MELK: variants seen among roughly 807,000 people sequenced by gnomAD.
The protein encoded by MELK is pEg3 kinase.
In MELK, 81 loss-of-function variants were observed where a neutral mutation model predicts 85.0. That is an observed-to-expected ratio of 0.95 (90% CI 0.80 to 1.15). The LOEUF (loss-of-function observed/expected upper bound fraction) is 1.15, where lower values mean the gene tolerates loss of function less well. Among genes scored for constraint, MELK ranks in the 50% most tolerant of loss-of-function variants. The pLI is 0.00. For missense variants in MELK, 754 were observed against 777.5 expected, an observed-to-expected ratio of 0.97 and a Z score of 0.36; for synonymous variants, 252 against 265.0, an observed-to-expected ratio of 0.95 and a Z score of 0.48.
rs113625645 is a variant in MELK, at chr9:36,660,569, G to A, written c.1176+3206G>A. On this transcript the variant is annotated intron_variant, in intron 13 of 17. Transcript: ENST00000298048. ...ACTCCTGGACTCAAGAGATCCACCC[G>A]CGTTGGCCTCCCAAAGTGCTGGGAT... Among the ~76,000 whole-genome samples the A allele has an allele frequency of 4.1e-3, 629 of 152,026 alleles. 2 individuals are homozygous for A. Among genetic ancestry groups the A allele is most frequent in the Non-Finnish European group, 6.5e-3 (441 of 67,944 alleles).
At chr9:36,631,162 C>G (rs1828568487) in intron 9 of MELK, among the ~76,000 whole-genome samples, 1 of 151,390 alleles carries the variant, frequency 6.6e-6, no homozygotes, top group Admixed American at 6.6e-5. Context: ...CGAGGTTTCA[C>G]TATGTTAGCC....
intron 4 of MELK, among the ~76,000 whole-genome samples, chr9:36,589,920 G>GTTTTTTT (rs566073692): frequency 8.0e-6 from 1 of 125,780 alleles, no homozygotes; most frequent in African/African-American, 3.1e-5. Flanking sequence ...ACTCATTCTA[G>GTTTTTTT]TTTTTTTTTT....
intron 13 of MELK, among the ~76,000 whole-genome samples, chr9:36,658,235 C>T (rs1405559759): frequency 1.3e-5 from 2 of 152,156 alleles, no homozygotes; most frequent in South Asian, 4.1e-4. Context: ...ATTTGCCCCA[C>T]TCTCTTTATT....
At chr9:36,638,722 A>G (rs1454795097) in intron 10 of MELK, among the ~76,000 whole-genome samples, 1 of 152,194 alleles carries the variant, frequency 6.6e-6, no homozygotes, top group Admixed American at 6.5e-5. Context: ...TACCTTTAAG[A>G]GTCAGGCACT....
intron 14 of MELK, among the ~76,000 whole-genome samples, chr9:36,668,601 C>G (rs1488904602): frequency 1.8e-5 from 1 of 55,274 alleles, no homozygotes. Context: ...CAACATCTGC[C>G]TACTGGGTTC....
At chr9:36,602,651 C>CCGGGTTCAGGCGATTCTCAT in intron 7 of MELK, among the ~76,000 whole-genome samples, 6 of 150,264 alleles carry the variant, frequency 4.0e-5, no homozygotes, top group African/African-American at 1.2e-4. Flanking sequence ...CCTCAGCCTC[C>CCGGGTTCAGGCGATTCTCAT]TGGGTTCAAG....
At chr9:36,634,962 G>A (rs1828983543) in intron 10 of MELK, among the ~76,000 whole-genome samples, 1 of 151,958 alleles carries the variant, frequency 6.6e-6, no homozygotes, top group African/African-American at 2.4e-5. Context: ...AAAAGAAAAA[G>A]AAAAAAATGG....
chr9:36,646,597 G>T (rs371380074), intron 11 of MELK, among the ~76,000 whole-genome samples: 2 of 152,176 alleles, frequency 1.3e-5, no homozygotes, highest in Non-Finnish European at 2.9e-5. Context: ...TGTTCCTCCA[G>T]CCCTGAGTGG....
At chr9:36,640,208 C>T (rs1341088993) in intron 10 of MELK, among the ~76,000 whole-genome samples, 2 of 152,040 alleles carry the variant, frequency 1.3e-5, no homozygotes, top group South Asian at 2.1e-4. Flanking sequence ...TTAGAGAGAA[C>T]AGAAATTTAT....
intron 8 of MELK, among the ~76,000 whole-genome samples, chr9:36,628,340 C>T (rs1487936605): frequency 2.6e-5 from 4 of 152,198 alleles, no homozygotes; most frequent in African/African-American, 9.7e-5. Context: ...CTAGCCAGCT[C>T]TCTGGGAGTC....
intron 14 of MELK, among the ~76,000 whole-genome samples, chr9:36,666,920 T>C (rs73645815): frequency 5.4e-5 from 8 of 148,008 alleles, no homozygotes; most frequent in Non-Finnish European, 1.2e-4. Flanking sequence ...GGTGTGTGTG[T>C]GGGGGGGTGC....
rs542520489 is a variant in MELK at position 36,633,549 on chromosome 9, C to A, written c.834+349C>A. On this transcript the variant is annotated intron_variant, in intron 10 of 17. Transcript: ENST00000298048. ...ATTCATCTGTAAAAAGTAGGTTAAA[C>A]CAGTTCTACTTCCCAGAGAAGTTAT... Among the ~76,000 whole-genome samples the A allele has an allele frequency of 7.1e-4, 108 of 152,216 alleles. 1 individual carries two copies. Among genetic ancestry groups the A allele is most frequent in the Non-Finnish European group, 2.5e-4 (17 of 68,016 alleles).
chr9:36,628,748 C>T (rs776582498), intron 8 of MELK, among the ~76,000 whole-genome samples: 16 of 151,672 alleles, frequency 1.1e-4, no homozygotes, highest in Admixed American at 7.9e-4. Flanking sequence ...AAATATCAAA[C>T]GTTAATTTTG....
chr9:36,596,568 TTTTG>T (rs1406706017), intron 5 of MELK, among the ~76,000 whole-genome samples: 2 of 102,512 alleles, frequency 2.0e-5, no homozygotes, highest in African/African-American at 1.4e-4. Context: ...TTTTTGTTTT[TTTTG>T]TTTTTTTTGT....
At chr9:36,607,427 G>A (rs1016144020) in intron 7 of MELK, 148 bp from the exon 8 acceptor site, 2 of 624,136 alleles carry the variant, frequency 3.2e-6, no homozygotes, top group African/African-American at 3.7e-5. Context: ...CAGGTTCTCT[G>A]ACTATAGAAT....
chr9:36,594,792 T>G lies in MELK; in HGVS notation c.405+21T>G, dbSNP rs567396192. 1.0e-4 allele frequency: 162 copies of G among 1,604,300 alleles called. 2 individuals are homozygous for G. The Middle Eastern group carries it at 1.3e-3, about 13-fold the overall frequency. ...AGCCAGTAAGTGACTGCATCACAGT[T>G]AGATGCTCACCTTCAGCGTCATTTA... On this transcript the variant is annotated intron_variant, in intron 5 of 17. Coordinates refer to ENST00000298048, the MANE Select transcript of MELK (RefSeq NM_014791.4).
At chr9:36,650,575 C>T (rs1275852323) in intron 11 of MELK, among the ~76,000 whole-genome samples, 1 of 152,172 alleles carries the variant, frequency 6.6e-6, no homozygotes, top group Non-Finnish European at 1.5e-5. Context: ...CTCTGCTTAA[C>T]CAAATCAGAA....
chr9:36,627,195 A>G (rs191804970), intron 8 of MELK, among the ~76,000 whole-genome samples: 12 of 152,250 alleles, frequency 7.9e-5, no homozygotes, highest in Non-Finnish European at 1.5e-5. Context: ...TGTCTAGGAT[A>G]TAATTCTTAC....
chr9:36,604,123 C>T (rs934521788), intron 7 of MELK, among the ~76,000 whole-genome samples: 14 of 151,116 alleles, frequency 9.3e-5, no homozygotes, highest in Admixed American at 1.3e-4. Context: ...GCATGTACCA[C>T]CCTGCCTGGC....
Sources: gnomAD v4.1 joint callset for allele counts (sites outside exome capture counted in the v4.1 genomes callset) on GRCh38, gnomAD v4.1.1 for gene constraint, MANE v1.5 for transcripts, NCBI Gene and HGNC (gene_info 2026-07-23, HGNC 2026-07-21) for gene names.